DCBLD1: variants seen among roughly 807,000 people sequenced by gnomAD.
DCBLD1 encodes discoidin, CUB and LCCL domain-containing protein 1.
In DCBLD1, 57 loss-of-function variants were observed where a neutral mutation model predicts 71.5. The ratio of observed to expected loss-of-function variants is 0.80; its 90% CI spans 0.64 to 0.99. The LOEUF is 0.99. Among genes scored for constraint, DCBLD1 ranks in the 50% least tolerant of loss-of-function variants. The pLI is 0.00. For synonymous variants in DCBLD1, 380 were observed against 363.8 expected, an observed-to-expected ratio of 1.04 and a Z score of -0.51; for missense variants, 891 against 923.5, an observed-to-expected ratio of 0.96 and a Z score of 0.46.
At position 117,547,820 on chromosome 6, in the gene DCBLD1, C is replaced by G. The variant is rs972517867; in HGVS notation, c.1616-87C>G. 8 of 1,545,762 alleles carry G rather than the reference C, an allele frequency of 5.2e-6. No homozygotes were observed. The South Asian group carries it at 7.2e-5, about 14-fold the overall frequency. ...CACCCGGGGGGAAAGTCAGTCACCA[C>G]GACCTGAAGCAGAGTATCCCCGTCT... On this transcript the variant is annotated intron_variant, in intron 14 of 14. Coordinates refer to ENST00000338728, the MANE Select transcript of DCBLD1 (RefSeq NM_001366458.2).
chr6:117,564,123 A>G (rs1397388446), intron 14 of DCBLD1, among the ~76,000 whole-genome samples: 1 of 151,962 alleles, frequency 6.6e-6, no homozygotes, highest in Non-Finnish European at 1.5e-5. Flanking sequence ...AGCTACAAGC[A>G]TGTGCCACCA....
At chr6:117,539,009 G>T (rs1323291322) in intron 8 of DCBLD1, 174 bp downstream of exon 8, 2 of 794,384 alleles carry the variant, frequency 2.5e-6, no homozygotes, top group Non-Finnish European at 3.9e-6. Context: ...GAATCTGTAT[G>T]CAAGTTGTAA....
chr6:117,493,909 G>A (rs1163720923), intron 1 of DCBLD1, among the ~76,000 whole-genome samples: 1 of 152,096 alleles, frequency 6.6e-6, no homozygotes, highest in African/African-American at 2.4e-5. Flanking sequence ...ATAAGCTACT[G>A]GGTATACACT....
intron 6 of DCBLD1, among the ~76,000 whole-genome samples, chr6:117,534,565 C>G (rs947489517): frequency 2.0e-5 from 3 of 152,086 alleles, no homozygotes; most frequent in Non-Finnish European, 2.9e-5. Flanking sequence ...TTTTTGGAAT[C>G]GTTTGTCTGT....
At chr6:117,495,071 T>C (rs1159966782) in intron 1 of DCBLD1, among the ~76,000 whole-genome samples, 1 of 152,180 alleles carries the variant, frequency 6.6e-6, no homozygotes, top group Non-Finnish European at 1.5e-5. Context: ...AACCCCCTGG[T>C]AAACCACCCA....
chr6:117,549,935 A>G (rs775709425), downstream of DCBLD1: 117 of 851,542 alleles, frequency 1.4e-4, no homozygotes, highest in Admixed American at 6.2e-5. Context: ...CCAATCTACC[A>G]CAGAAGAGAA....
Position 117,507,263 on chromosome 6 carries a change from C to T in DCBLD1, c.325+3284C>T, listed in dbSNP as rs1381107233. Among the ~76,000 whole-genome samples, 3 of 152,124 alleles carry T rather than the reference C, an allele frequency of 2.0e-5. No individual in the cohort carries two copies. The East Asian group carries it at 5.8e-4, about 29-fold the overall frequency. On this transcript the variant is annotated intron_variant, in intron 2 of 14. Transcript: ENST00000338728. ...ATATACTTTGGGTATTTTGGTAATT[C>T]ACATTCTTGCTAACAAAAATGCATT...
intron 11 of DCBLD1, among the ~76,000 whole-genome samples, chr6:117,542,807 G>A (rs1034022730): frequency 6.6e-5 from 10 of 151,804 alleles, no homozygotes; most frequent in African/African-American, 2.4e-4. Flanking sequence ...GTGGGGGAGG[G>A]GTTAAACTCT....
At chr6:117,535,088 T>C (rs1445096744) in intron 6 of DCBLD1, among the ~76,000 whole-genome samples, 2 of 152,362 alleles carry the variant, frequency 1.3e-5, no homozygotes, top group East Asian at 1.9e-4. Context: ...GGGGAAACAC[T>C]GTACATGCGG....
In DCBLD1 at chr6:117,544,588, A is replaced by C. The variant is rs1373756681; in HGVS notation, c.1495+11A>C. 15 of 1,613,702 alleles carry C rather than the reference A, an allele frequency of 9.3e-6. No homozygotes were observed. Among genetic ancestry groups the C allele is most frequent in the Non-Finnish European group, 1.2e-5 (14 of 1,179,938 alleles). On this transcript the variant is annotated intron_variant, in intron 13 of 14. Coordinates refer to ENST00000338728, the MANE Select transcript of DCBLD1 (RefSeq NM_001366458.2). ...AGGCTCAGAAAACAGGTTGGTTGAA[A>C]ACTCTATCTACAATTTTATCTGTCT...
intron 2 of DCBLD1, among the ~76,000 whole-genome samples, chr6:117,513,871 A>G: frequency 6.6e-6 from 1 of 152,246 alleles, no homozygotes; most frequent in Middle Eastern, 3.4e-3. Flanking sequence ...AAACATTTAA[A>G]TATAGGTGTA....
At chr6:117,535,254 C>A (rs1415840796) in intron 6 of DCBLD1, among the ~76,000 whole-genome samples, 1 of 152,118 alleles carries the variant, frequency 6.6e-6, no homozygotes. Context: ...TTTGAAGAGA[C>A]CAGAATGGTA....
chr6:117,569,017 A>G (rs1233053556), intron 14 of DCBLD1, among the ~76,000 whole-genome samples: 1 of 152,226 alleles, frequency 6.6e-6, no homozygotes, highest in Non-Finnish European at 1.5e-5. Flanking sequence ...TATGACAAAT[A>G]TGACTCCTGA....
chr6:117,497,264 A>G (rs1044651200), intron 1 of DCBLD1, among the ~76,000 whole-genome samples: 1 of 152,260 alleles, frequency 6.6e-6, no homozygotes, highest in Non-Finnish European at 1.5e-5. Flanking sequence ...AACAAGTGCA[A>G]TTCAGTTACA....
intron 1 of DCBLD1, among the ~76,000 whole-genome samples, chr6:117,499,556 T>G (rs1777584137): frequency 6.6e-6 from 1 of 152,156 alleles, no homozygotes; most frequent in Non-Finnish European, 1.5e-5. Flanking sequence ...ATTATTTAAT[T>G]AACCTTTTTA....
At chr6:117,537,533 C>CA (rs201862651) in intron 7 of DCBLD1, among the ~76,000 whole-genome samples, 4,679 of 92,408 alleles carry the variant, frequency 0.051, 173 homozygotes, top group East Asian at 0.24. Flanking sequence ...GACTCCATCT[C>CA]AAAAAAAAAA....
intron 2 of DCBLD1, among the ~76,000 whole-genome samples, chr6:117,507,366 A>C (rs528881973): frequency 1.7e-4 from 26 of 152,340 alleles, no homozygotes; most frequent in Middle Eastern, 6.8e-3. Context: ...GTTTCCTAAT[A>C]CAGACAAAAT....
chr6:117,499,752 CTTCT>C (rs1363956622), intron 1 of DCBLD1, among the ~76,000 whole-genome samples: 2 of 152,144 alleles, frequency 1.3e-5, no homozygotes, highest in African/African-American at 2.4e-5. Context: ...TAACTTTTGT[CTTCT>C]TTGTCAGTGA....
chr6:117,494,182 A>G (rs1212744474), intron 1 of DCBLD1, among the ~76,000 whole-genome samples: 3 of 152,230 alleles, frequency 2.0e-5, no homozygotes, highest in Non-Finnish European at 2.9e-5. Context: ...TTGGCTCTCA[A>G]TTTTTAAAAA....
Sources: allele counts gnomAD v4.1 joint callset (sites outside exome capture counted in the v4.1 genomes callset), GRCh38; gene constraint gnomAD v4.1.1; transcripts MANE v1.5; gene names NCBI Gene and HGNC (gene_info 2026-07-23, HGNC 2026-07-21).